Variants in CFDP1 observed in about 807,000 individuals in gnomAD.
CFDP1 encodes heterochromatin-stabilizing protein CFDP1.
A neutral mutation model predicts 40.1 loss-of-function variants in CFDP1; 31 were observed. That is an observed-to-expected ratio of 0.77 (90% CI 0.58 to 1.04). CFDP1 has a LOEUF of 1.04. CFDP1 is among the 50% of genes least tolerant of loss of function. CFDP1 has a pLI of 0.00. For missense variants in CFDP1, 423 were observed against 343.4 expected, an observed-to-expected ratio of 1.23 and a Z score of -1.83; for synonymous variants, 167 against 120.0, an observed-to-expected ratio of 1.39 and a Z score of -2.56.
At chr16:75,431,941 TC>T (rs1484200201) in intron 1 of CFDP1, among the ~76,000 whole-genome samples, 2 of 145,970 alleles carry the variant, frequency 1.4e-5, no homozygotes, top group Non-Finnish European at 3.0e-5. Context: ...AGACGGAGTC[TC>T]GCTCTGTCAC....
chr16:75,368,974 G>T (rs1020216445), intron 5 of CFDP1, among the ~76,000 whole-genome samples: 17 of 152,044 alleles, frequency 1.1e-4, no homozygotes, highest in African/African-American at 4.1e-4. Context: ...AGAAAGTAAG[G>T]ATAAAATGGA....
chr16:75,425,828 G>C (rs1016039944), intron 1 of CFDP1, among the ~76,000 whole-genome samples: 2 of 151,524 alleles, frequency 1.3e-5, no homozygotes, highest in African/African-American at 4.9e-5. Context: ...GAGAGGTCAG[G>C]AGTTCAAGAC....
chr16:75,394,681 T>TTTTTTA (rs1372199940), intron 5 of CFDP1: 1 of 133,542 alleles, frequency 7.5e-6, no homozygotes, highest in Non-Finnish European at 1.6e-5. Flanking sequence ...TTTTTTTTTT[T>TTTTTTA]AAGAGACAGG....
chr16:75,354,688 G>A (rs2078635307), intron 5 of CFDP1, among the ~76,000 whole-genome samples: 1 of 107,890 alleles, frequency 9.3e-6, no homozygotes, highest in Non-Finnish European at 2.3e-5. Flanking sequence ...ATGTGGTGGG[G>A]AAAGGGAAAA....
At chr16:75,396,621 G>A (rs1448534306) in intron 4 of CFDP1, among the ~76,000 whole-genome samples, 1 of 104,620 alleles carries the variant, frequency 9.6e-6, no homozygotes, top group African/African-American at 2.9e-5. Context: ...AACAAAAACT[G>A]GCTAAATTAG....
chr16:75,368,134 T>A (rs2078728772), intron 5 of CFDP1, among the ~76,000 whole-genome samples: 2 of 152,220 alleles, frequency 1.3e-5, no homozygotes, highest in South Asian at 4.1e-4. Context: ...TCAAATGGAA[T>A]ATGTGGACCT....
chr16:75,335,185 T>C (rs2078477883), intron 5 of CFDP1, among the ~76,000 whole-genome samples: 1 of 152,228 alleles, frequency 6.6e-6, no homozygotes, highest in Non-Finnish European at 1.5e-5. Flanking sequence ...TCCCCCCTGG[T>C]TGGGCTTCAA....
rs141934721 is a variant in CFDP1 at position 75,362,117 on chromosome 16, T to C, written c.650+32973A>G. Among the ~76,000 whole-genome samples the C allele has an allele frequency of 6.6e-3, 1,009 of 152,308 alleles. 11 individuals are homozygous for C. The highest frequency in any genetic ancestry group is 0.017 in the Middle Eastern group (5 of 294). On this transcript the variant is annotated intron_variant, in intron 5 of 6. Coordinates refer to ENST00000283882, the MANE Select transcript of CFDP1 (RefSeq NM_006324.3). ...TCCTAGACTGCATGATCTACACAAA[T>C]TGGGTAATAAGTCAGACGGGACAGT...
chr16:75,359,156 G>A (rs1335619652), intron 5 of CFDP1, among the ~76,000 whole-genome samples: 3 of 152,044 alleles, frequency 2.0e-5, no homozygotes, highest in South Asian at 2.1e-4. Context: ...AGCTATCTTC[G>A]ATTAAGCGAG....
At chr16:75,425,325 T>G (rs1164411015) in intron 1 of CFDP1, among the ~76,000 whole-genome samples, 9 of 142,154 alleles carry the variant, frequency 6.3e-5, no homozygotes, top group Non-Finnish European at 1.3e-4. Context: ...AGGTAGAGGT[T>G]GCAGTGAGCA....
intron 1 of CFDP1, among the ~76,000 whole-genome samples, chr16:75,428,137 T>G (rs1447853154): frequency 1.3e-5 from 2 of 152,038 alleles, no homozygotes; most frequent in African/African-American, 2.4e-5. Flanking sequence ...ATTTGTTTTT[T>G]TTTTTTTTTA....
At chr16:75,336,214 G>C (rs1332786667) in intron 5 of CFDP1, among the ~76,000 whole-genome samples, 1 of 152,206 alleles carries the variant, frequency 6.6e-6, no homozygotes, top group Admixed American at 6.5e-5. Flanking sequence ...AAATAGAGCA[G>C]AGAACAAGAC....
At chr16:75,390,366 G>C (rs1209027771) in intron 5 of CFDP1, among the ~76,000 whole-genome samples, 1 of 152,222 alleles carries the variant, frequency 6.6e-6, no homozygotes, top group East Asian at 1.9e-4. Flanking sequence ...GCGCAGTTTT[G>C]GAAAGAATTC....
intron 3 of CFDP1, among the ~76,000 whole-genome samples, chr16:75,412,240 A>G (rs2079169501): frequency 6.6e-6 from 1 of 152,174 alleles, no homozygotes; most frequent in African/African-American, 2.4e-5. Context: ...GCTGGTCTCG[A>G]ACTCCTGACC....
At chr16:75,353,813 A>T (rs933365466) in intron 5 of CFDP1, among the ~76,000 whole-genome samples, 18 of 151,556 alleles carry the variant, frequency 1.2e-4, no homozygotes, top group African/African-American at 4.1e-4. Flanking sequence ...GATTTAAAAA[A>T]TGGACCATGG....
At chr16:75,314,714 T>C (rs1375442948) in intron 5 of CFDP1, among the ~76,000 whole-genome samples, 1 of 152,202 alleles carries the variant, frequency 6.6e-6, no homozygotes, top group Non-Finnish European at 1.5e-5. Flanking sequence ...TCTTTCATCA[T>C]TCAGAAAAAT....
chr16:75,412,660 C>T lies in CFDP1; in HGVS notation c.277G>A (p.Ala93Thr), dbSNP rs1162980394. The change falls in exon 3 of 7, where the codon GCT becomes ACT. Residue 93 changes from alanine to threonine, a missense_variant. Ala to Thr is a moderately conservative substitution (Grantham distance 58). Transcript: ENST00000283882. ...EGSSSEEEDDAAEQEKGIGSE... is the reference protein window; with the variant it reads ...EGSSSEEEDDTAEQEKGIGSE... ...CCAATGCCTTTTTCCTGCTCTGCAG[C>T]GTCATCTTCCTCCTCACTACTGCTT... The T allele has an allele frequency of 4.3e-6, 7 of 1,614,108 alleles. No homozygotes were observed. The highest frequency in any genetic ancestry group is 2.2e-5 in the South Asian group (2 of 91,088).
chr16:75,431,911 CT>C (rs71380741), intron 1 of CFDP1, among the ~76,000 whole-genome samples: 8,661 of 134,390 alleles, frequency 0.064, 258 homozygotes, highest in Middle Eastern at 0.13. Flanking sequence ...GACTGGCTAA[CT>C]TTTTTTTTTT....
At chr16:75,368,592 T>C (rs900101047) in intron 5 of CFDP1, among the ~76,000 whole-genome samples, 6 of 152,238 alleles carry the variant, frequency 3.9e-5, no homozygotes, top group African/African-American at 1.4e-4. Flanking sequence ...TATAAAAGAT[T>C]GGCAAAATAT....
Sources: gnomAD v4.1 joint callset for allele counts (sites outside exome capture counted in the v4.1 genomes callset) on GRCh38, gnomAD v4.1.1 for gene constraint, MANE v1.5 for transcripts, NCBI Gene and HGNC (gene_info 2026-07-23, HGNC 2026-07-21) for gene names.